SLC15A2: variants seen among roughly 807,000 people sequenced by gnomAD.
SLC15A2 encodes solute carrier family 15 member 2, also known as kidney H(+)/peptide cotransporter.
A neutral mutation model predicts 95.5 loss-of-function variants in SLC15A2; 77 were observed. The ratio of observed to expected loss-of-function variants is 0.81; its 90% CI spans 0.67 to 0.97. The LOEUF (loss-of-function observed/expected upper bound fraction) is 0.97, where lower values mean the gene tolerates loss of function less well. Among genes scored for constraint, SLC15A2 ranks in the 50% least tolerant of loss-of-function variants. The pLI is 0.00. For missense variants in SLC15A2, 893 were observed against 874.4 expected (o/e 1.02, Z -0.27); for synonymous variants, 306 against 306.9 (o/e 1.00, Z 0.03).
chr3:121,940,235 A>G, intron 20 of SLC15A2, 149 bp from the exon 21 acceptor site: 5 of 590,098 alleles, frequency 8.5e-6, no homozygotes, highest in Non-Finnish European at 1.5e-5. Flanking sequence ...TACTGTTTAC[A>G]TTATTAACAC....
Position 121,894,450 on chromosome 3 carries a change from G to A in SLC15A2, c.-27G>A. ...CTGCCTACTAAAGCCAAATGCTTGA[G>A]GAGAGAGAGAGAGTAAGGAGCCAGC... On this transcript the variant is annotated 5_prime_UTR_variant, in exon 1 of 22. Coordinates refer to ENST00000489711, the MANE Select transcript of SLC15A2 (RefSeq NM_021082.4). The A allele has an allele frequency of 6.3e-7, 1 of 1,583,888 alleles. No individual in the cohort carries two copies. Among genetic ancestry groups the A allele is most frequent in the Non-Finnish European group, 8.6e-7 (1 of 1,156,412 alleles).
chr3:121,904,392 A>C (rs1010651313), intron 3 of SLC15A2, among the ~76,000 whole-genome samples: 2 of 152,222 alleles, frequency 1.3e-5, no homozygotes, highest in Non-Finnish European at 2.9e-5. Flanking sequence ...ACTATGTTGA[A>C]TAGAAGTGGT....
intron 20 of SLC15A2, 137 bp from the exon 21 acceptor site, chr3:121,940,247 C>G: frequency 1.6e-6 from 1 of 622,800 alleles, no homozygotes; most frequent in Non-Finnish European, 2.9e-6. Context: ...TATTAACACC[C>G]TCTGAATCAA....
At chr3:121,940,767 C>T in intron 21 of SLC15A2, 64 bp from the exon 22 acceptor site, 1 of 1,523,106 alleles carries the variant, frequency 6.6e-7, no homozygotes, top group Non-Finnish European at 8.9e-7. Context: ...CACTCCTCAT[C>T]CTGTAAAGAT....
rs1198894384 is a variant in SLC15A2 at position 121,930,915 on chromosome 3, T to C, written c.1629T>C (p.Tyr543=). The part of the protein sequence containing the change: ...TDTSLNVGED[Y]GVSAYRTVQR... ...CCTCTCTCAATGTTGGTGAAGACTA[T>C]GGTGTGTCTGCTTATAGAACTGTGC... The change falls in exon 18 of 22, where the codon TAT becomes TAC. Residue 543 remains tyrosine (Y), a synonymous_variant. Transcript: ENST00000489711. 2 of 1,613,008 alleles carry C rather than the reference T, an allele frequency of 1.2e-6. No homozygotes were observed. Among genetic ancestry groups the C allele is most frequent in the East Asian group, 2.2e-5 (1 of 44,874 alleles).
At chr3:121,909,927 A>T (rs1709728005) in intron 3 of SLC15A2, among the ~76,000 whole-genome samples, 1 of 152,088 alleles carries the variant, frequency 6.6e-6, no homozygotes, top group Admixed American at 6.5e-5. Flanking sequence ...CCCCTGATTT[A>T]GTCCATCAAT....
chr3:121,894,424 A>G lies in SLC15A2; in HGVS notation c.-53A>G. ...TCAGAGTAGGCTGGCAGCTGTCCTAACTGCCTACTAAAGCCAAATGCTTGA... is the reference window on the plus strand; with the variant it reads ...TCAGAGTAGGCTGGCAGCTGTCCTAGCTGCCTACTAAAGCCAAATGCTTGA... On this transcript the variant is annotated 5_prime_UTR_variant, in exon 1 of 22. Coordinates refer to ENST00000489711, the MANE Select transcript of SLC15A2 (RefSeq NM_021082.4). 7.0e-7 allele frequency: 1 copy of G among 1,427,598 alleles called. No individual in the cohort carries two copies. Among genetic ancestry groups the G allele is most frequent in the Non-Finnish European group, 9.8e-7 (1 of 1,022,866 alleles). The allele number at this position is 1,427,598 out of a possible 1,614,324, so 88.4% of individuals were successfully genotyped here.
intron 7 of SLC15A2, among the ~76,000 whole-genome samples, chr3:121,916,032 T>C (rs912113338): frequency 2.0e-5 from 3 of 152,122 alleles, no homozygotes; most frequent in Admixed American, 1.3e-4. Context: ...TACACTACAA[T>C]ATATAGGGAA....
chr3:121,928,443 G>T lies in SLC15A2; in HGVS notation c.1229G>T (p.Gly410Val). 11 of 1,613,980 alleles carry T rather than the reference G, an allele frequency of 6.8e-6. No homozygotes were observed. Among genetic ancestry groups the T allele is most frequent in the Non-Finnish European group, 9.3e-6 (11 of 1,179,894 alleles). ...KINEMAPAQP[G>V]PQEVFLQVLN... is the part of the protein sequence containing the mutation. ...AAGGAAATGGCCCCAGCCCAGCCAG[G>T]TCCCCAGGAGGTTTTCCTACAAGTC... The change falls in exon 15 of 22, where the codon GGT becomes GTT. Residue 410 changes from glycine (G) to valine (V), a missense_variant. Coordinates refer to ENST00000489711, the MANE Select transcript of SLC15A2 (RefSeq NM_021082.4).
At chr3:121,935,595 G>C (rs974781346) in intron 19 of SLC15A2, among the ~76,000 whole-genome samples, 16 of 152,080 alleles carry the variant, frequency 1.1e-4, no homozygotes, top group African/African-American at 3.6e-4. Context: ...GTATTTCTGT[G>C]GGATTGGTGG....
At chr3:121,908,052 C>T (rs1172596716) in intron 3 of SLC15A2, among the ~76,000 whole-genome samples, 1 of 152,252 alleles carries the variant, frequency 6.6e-6, no homozygotes, top group African/African-American at 2.4e-5. Context: ...CAAGCTTCCC[C>T]AGCTTCTTTG....
Position 121,922,863 on chromosome 3 carries a change from T to G in SLC15A2, c.867+2T>G, listed in dbSNP as rs142221393. On this transcript the variant is annotated splice_donor_variant, in intron 9 of 21. Coordinates refer to ENST00000489711, the MANE Select transcript of SLC15A2 (RefSeq NM_021082.4). LOFTEE classifies it high-confidence loss of function. ...GACTGGGCGGCTGAGAAATATCCAG[T>G]AAGTTGGAAATGCAGAAACATCTTA... 6.2e-7 allele frequency: 1 copy of G among 1,612,442 alleles called. No homozygotes were observed. Among genetic ancestry groups the G allele is most frequent in the Non-Finnish European group, 8.5e-7 (1 of 1,178,512 alleles).
chr3:121,918,704 A>G (rs2700416), intron 7 of SLC15A2, among the ~76,000 whole-genome samples: 67,434 of 151,606 alleles, frequency 0.44, 15,457 homozygotes, highest in East Asian at 0.69. Flanking sequence ...GATATGAAGA[A>G]GATTTCAAGA....
chr3:121,905,757 T>C (rs1709625904), intron 3 of SLC15A2, among the ~76,000 whole-genome samples: 1 of 152,236 alleles, frequency 6.6e-6, no homozygotes. Flanking sequence ...TGAGGAGTGC[T>C]TTACTTCCAA....
chr3:121,940,522 C>T (rs1306214120), intron 21 of SLC15A2, 34 bp downstream of exon 21: 30 of 1,550,948 alleles, frequency 1.9e-5, no homozygotes, highest in Non-Finnish European at 2.7e-5. Context: ...TTCATTTCTA[C>T]TCAAGTTTTT....
Position 121,897,519 on chromosome 3 carries a change from G to A in SLC15A2, c.325G>A (p.Gly109Arg), listed in dbSNP as rs1460381906. Residue 109 changes from glycine to arginine, a missense_variant, in exon 3 of 22, where the codon GGA (glycine) becomes AGA (arginine). Gly to Arg is a moderately radical substitution (Grantham distance 125). Transcript: ENST00000489711. Reference sequence around the variant, plus strand: ...AGCAGCCATTGCTGACTCGTGGTTGGGAAAATTCAAGTAAGGAAGATGGGA... The same window carrying A: ...AGCAGCCATTGCTGACTCGTGGTTGAGAAAATTCAAGTAAGGAAGATGGGA... ...LGAAIADSWL[G>R]KFKTIIYLSL... The A allele has an allele frequency of 6.2e-7, 1 of 1,613,858 alleles. No individual in the cohort carries two copies. The highest frequency in any genetic ancestry group is 1.1e-5 in the South Asian group (1 of 91,044).
At chr3:121,935,339 G>A (rs28823352) in intron 19 of SLC15A2, among the ~76,000 whole-genome samples, 45,937 of 151,990 alleles carry the variant, frequency 0.3, 7,400 homozygotes, top group Middle Eastern at 0.44. Flanking sequence ...AGAAGGAATG[G>A]TATCAGTTCC....
chr3:121,912,533 T>C (rs2107584140), intron 4 of SLC15A2, among the ~76,000 whole-genome samples: 1 of 152,294 alleles, frequency 6.6e-6, no homozygotes, highest in African/African-American at 2.4e-5. Context: ...GCACCTGGCC[T>C]TGATATTTAA....
chr3:121,899,894 A>C (rs1381340469), intron 3 of SLC15A2, among the ~76,000 whole-genome samples: 1 of 151,976 alleles, frequency 6.6e-6, no homozygotes, highest in African/African-American at 2.4e-5. Flanking sequence ...GTCTTTTCTA[A>C]ATTCTTACTC....
Sources: gnomAD v4.1 joint callset for allele counts (sites outside exome capture counted in the v4.1 genomes callset) on GRCh38, gnomAD v4.1.1 for gene constraint, MANE v1.5 for transcripts, NCBI Gene and HGNC (gene_info 2026-07-23, HGNC 2026-07-21) for gene names.